The following INPP5A variants were observed in gnomAD, a reference collection of about 807,000 sequenced individuals.
The protein encoded by INPP5A is inositol polyphosphate-5-phosphatase A, also known as 43 kDa inositol polyphosphate 5-phophatase.
Under a neutral mutation model 65.2 loss-of-function variants are expected in INPP5A, and 14 were observed. The ratio of observed to expected loss-of-function variants is 0.21; its 90% CI spans 0.14 to 0.34. The LOEUF is 0.34. Ranked by LOEUF, INPP5A falls within the 10% of genes least tolerant of loss-of-function variation. The pLI is 1.00. For missense variants in INPP5A, 431 were observed against 545.6 expected, an observed-to-expected ratio of 0.79 and a Z score of 2.09; for synonymous variants, 207 against 208.3, an observed-to-expected ratio of 0.99 and a Z score of 0.05.
At chr10:132,691,313 C>G in intron 5 of INPP5A, among the ~76,000 whole-genome samples, 1 of 152,214 alleles carries the variant, frequency 6.6e-6, no homozygotes, top group Non-Finnish European at 1.5e-5. Context: ...TTATAGCATC[C>G]AAGCCCTTCT....
intron 3 of INPP5A, among the ~76,000 whole-genome samples, chr10:132,649,306 C>A (rs917791577): frequency 6.6e-6 from 1 of 152,188 alleles, no homozygotes; most frequent in East Asian, 1.9e-4. Flanking sequence ...ATGACTGTTC[C>A]CAGTTGCTTT....
At chr10:132,720,315 C>A (rs183902185) in intron 8 of INPP5A, among the ~76,000 whole-genome samples, 2 of 140,350 alleles carry the variant, frequency 1.4e-5, no homozygotes, top group East Asian at 4.4e-4. Context: ...TTCTGTGGTG[C>A]CTGGGTTCTT....
chr10:132,776,148 C>T (rs979586501), intron 12 of INPP5A, among the ~76,000 whole-genome samples: 14 of 152,172 alleles, frequency 9.2e-5, no homozygotes, highest in Non-Finnish European at 2.1e-4. Flanking sequence ...GGCAGGCCAC[C>T]AGGTTGCTGG....
At chr10:132,689,738 T>A (rs1051916469) in intron 4 of INPP5A, among the ~76,000 whole-genome samples, 1 of 152,242 alleles carries the variant, frequency 6.6e-6, no homozygotes, top group Non-Finnish European at 1.5e-5. Context: ...AGTAACTGTC[T>A]GTGTGGTATC....
chr10:132,597,029 G>A (rs1186452558), intron 1 of INPP5A, among the ~76,000 whole-genome samples: 1 of 151,502 alleles, frequency 6.6e-6, no homozygotes, highest in Non-Finnish European at 1.5e-5. Flanking sequence ...GTGTGCATGT[G>A]TGCATGTGTA....
At chr10:132,739,829 G>T (rs1018124200) in intron 9 of INPP5A, among the ~76,000 whole-genome samples, 1 of 152,232 alleles carries the variant, frequency 6.6e-6, no homozygotes, top group Non-Finnish European at 1.5e-5. Context: ...GGCCTCAGCA[G>T]AGGCGTCTTC....
intron 11 of INPP5A, among the ~76,000 whole-genome samples, chr10:132,755,047 A>G (rs149986461): frequency 8.0e-5 from 12 of 149,992 alleles, no homozygotes; most frequent in African/African-American, 2.2e-4. Flanking sequence ...GATCGTATGC[A>G]TGTGTGTGAT....
At chr10:132,633,728 G>A (rs773925184) in intron 2 of INPP5A, among the ~76,000 whole-genome samples, 1 of 152,246 alleles carries the variant, frequency 6.6e-6, no homozygotes, top group Non-Finnish European at 1.5e-5. Flanking sequence ...GGGTGGCTTT[G>A]CGCAGCTCCA....
chr10:132,548,762 A>G (rs1445820880), intron 1 of INPP5A, among the ~76,000 whole-genome samples: 1 of 124,546 alleles, frequency 8.0e-6, no homozygotes, highest in Non-Finnish European at 1.7e-5. Flanking sequence ...GTTTGTATTG[A>G]TATGCTTTGC....
Position 132,587,042 on chromosome 10 carries a change from C to G in INPP5A, c.76-20873C>G, listed in dbSNP as rs2071554322. On this transcript the variant is annotated intron_variant, in intron 1 of 15. Transcript: ENST00000368594. This position sits in a 1 kb window ranked among gnomAD's most constrained non-coding sequence, Gnocchi z 4.3. ...CCCTCCCCCGCCATCGTTACGCTGT[C>G]ATCAGCAAGATCACTGTCACTAGGA... is the stretch of plus-strand genomic sequence containing the variant. Among the ~76,000 whole-genome samples, 3 of 152,352 alleles carry G rather than the reference C, an allele frequency of 2.0e-5. No individual in the cohort carries two copies. The highest frequency in any genetic ancestry group is 6.5e-5 in the Admixed American group (1 of 15,300).
intron 1 of INPP5A, among the ~76,000 whole-genome samples, chr10:132,584,348 C>T (rs2071522294): frequency 6.6e-6 from 1 of 152,162 alleles, no homozygotes; most frequent in South Asian, 2.1e-4. Flanking sequence ...ATGGAATTTA[C>T]CAGTGAAACC....
intron 11 of INPP5A, among the ~76,000 whole-genome samples, chr10:132,752,838 C>A (rs1190038300): frequency 1.3e-5 from 2 of 152,124 alleles, no homozygotes; most frequent in African/African-American, 4.8e-5. Context: ...AGCCACCATA[C>A]CGTACAGTGT....
At chr10:132,755,609 T>G (rs539526983) in intron 11 of INPP5A, among the ~76,000 whole-genome samples, 2 of 148,302 alleles carry the variant, frequency 1.3e-5, no homozygotes, top group South Asian at 2.2e-4. Flanking sequence ...TGCATATGAG[T>G]GAGTGGGTGT....
intron 9 of INPP5A, among the ~76,000 whole-genome samples, chr10:132,747,814 T>A (rs1303560487): frequency 6.6e-6 from 1 of 152,210 alleles, no homozygotes; most frequent in Non-Finnish European, 1.5e-5. Flanking sequence ...TTTGGGAGGC[T>A]GAAATGGGAC....
At chr10:132,690,073 G>GC (rs1477205847) in intron 4 of INPP5A, among the ~76,000 whole-genome samples, 1 of 151,842 alleles carries the variant, frequency 6.6e-6, no homozygotes, top group East Asian at 1.9e-4. Context: ...CGGGACCTGC[G>GC]CCCCTGCTGG....
chr10:132,664,092 A>C (rs778389360), intron 4 of INPP5A, among the ~76,000 whole-genome samples: 1 of 152,240 alleles, frequency 6.6e-6, no homozygotes, highest in Non-Finnish European at 1.5e-5. Context: ...CAGTGAACAT[A>C]AAGAAATAGC....
In INPP5A at chr10:132,704,826, T is replaced by C. The variant is rs1038243977; in HGVS notation, c.475-3487T>C. ...GGCGTCTGGACAGGCGGCAGGCAGC[T>C]CCTCTGGAGTGTGGAGGATGGAGGA... On this transcript the variant is annotated intron_variant, in intron 6 of 15. Transcript: ENST00000368594. This position sits in a 1 kb window ranked among gnomAD's most constrained non-coding sequence, Gnocchi z 4.5. Among the ~76,000 whole-genome samples, 1 of 148,338 alleles carries C rather than the reference T, an allele frequency of 6.7e-6. No individual in the cohort carries two copies. The highest frequency in any genetic ancestry group is 2.0e-4 in the East Asian group (1 of 5,016).
intron 1 of INPP5A, among the ~76,000 whole-genome samples, chr10:132,567,034 A>T (rs541919041): frequency 3.3e-5 from 5 of 152,326 alleles, no homozygotes; most frequent in Admixed American, 6.5e-5. Context: ...CGGCTCCTGT[A>T]GGCTGCAGTA....
rs2070973454 is a variant in INPP5A, at chr10:132,546,508, G to A, written c.75+8337G>A. ...GAGACTCCTCTTCAGGGGTTGCTGG[G>A]GACCAGCTGGTTGCTGTGTCGGGGG... is the stretch of plus-strand genomic sequence containing the variant. On this transcript the variant is annotated intron_variant, in intron 1 of 15. Transcript: ENST00000368594. This position sits in a 1 kb window ranked among gnomAD's most constrained non-coding sequence, Gnocchi z 5.7. Among the ~76,000 whole-genome samples the A allele has an allele frequency of 6.6e-6, 1 of 152,088 alleles. No individual in the cohort carries two copies. The highest frequency in any genetic ancestry group is 1.5e-5 in the Non-Finnish European group (1 of 68,012).
Sources: allele counts gnomAD v4.1 joint callset (sites outside exome capture counted in the v4.1 genomes callset), GRCh38; gene constraint gnomAD v4.1.1; non-coding constraint Gnocchi (gnomAD v3.1); transcripts MANE v1.5; gene names NCBI Gene and HGNC (gene_info 2026-07-23, HGNC 2026-07-21).